MAN1B1: variants seen among roughly 807,000 people sequenced by gnomAD.
MAN1B1 encodes mannosidase alpha class 1B member 1.
Under a neutral mutation model 75.5 loss-of-function variants are expected in MAN1B1, and 66 were observed. That is an observed-to-expected ratio of 0.87 (90% CI 0.72 to 1.07). MAN1B1 has a LOEUF of 1.07. Ranked by LOEUF, MAN1B1 falls within the 50% of genes least tolerant of loss-of-function variation. The pLI is 0.00. For synonymous variants in MAN1B1, 453 were observed against 382.8 expected, an observed-to-expected ratio of 1.18 and a Z score of -2.14; for missense variants, 973 against 912.5, an observed-to-expected ratio of 1.07 and a Z score of -0.85.
In MAN1B1 at chr9:137,108,787, G is replaced by C. The variant is rs762908285; in HGVS notation, c.*196G>C. 1.0e-5 allele frequency: 7 copies of C among 700,444 alleles called. No individual in the cohort carries two copies. Among genetic ancestry groups the C allele is most frequent in the African/African-American group, 1.7e-5 (1 of 57,154 alleles). The allele number at this position is 700,444 out of a possible 1,614,324, so 43.4% of individuals were successfully genotyped here. A position where few individuals can be genotyped will look rare whatever the true frequency, so the allele number is the denominator to read the frequency against. ...GAGGCCGTCAGTCTTGGTGTGATGC[G>C]GGGTGGGCTGGGCCGCTGGAGCCTC... On this transcript the variant is annotated 3_prime_UTR_variant, in exon 13 of 13. Transcript: ENST00000371589.
At chr9:137,100,764 C>A (rs1830786959) in intron 6 of MAN1B1, among the ~76,000 whole-genome samples, 1 of 152,144 alleles carries the variant, frequency 6.6e-6, no homozygotes, top group Non-Finnish European at 1.5e-5. Context: ...GGACCACAGG[C>A]ATGCGCCACC....
chr9:137,105,806 G>A (rs898556294), intron 8 of MAN1B1: 12 of 528,522 alleles, frequency 2.3e-5, no homozygotes, highest in Non-Finnish European at 4.0e-5. Context: ...GGGCTCTCGT[G>A]AGGACAGTGC....
At position 137,106,129 on chromosome 9, in the gene MAN1B1, C is replaced by T. The variant is rs944230165; in HGVS notation, c.1259C>T (p.Ala420Val). The T allele has an allele frequency of 6.2e-7, 1 of 1,612,592 alleles. No individual in the cohort carries two copies. Among genetic ancestry groups the T allele is most frequent in the Admixed American group, 1.7e-5 (1 of 60,004 alleles). The change falls in exon 9 of 13, where the codon GCA becomes GTA. Residue 420 changes from alanine to valine, a missense_variant. Coordinates refer to ENST00000371589, the MANE Select transcript of MAN1B1 (RefSeq NM_016219.5). ...RLTGDKKFQE[A>V]VEKVTQHIHG... Reference sequence around the variant, plus strand: ...CCATCCCCCTTTCTGCCGCAGGAGGCAGTGGAGAAGGTGACACAGCACATC... The same window carrying T: ...CCATCCCCCTTTCTGCCGCAGGAGGTAGTGGAGAAGGTGACACAGCACATC...
At chr9:137,088,748 C>A in intron 2 of MAN1B1, 121 bp from the exon 3 acceptor site, 1 of 1,059,452 alleles carries the variant, frequency 9.4e-7, no homozygotes. Context: ...ATTTCAGTGA[C>A]TATCAGGTAT....
intron 3 of MAN1B1, among the ~76,000 whole-genome samples, chr9:137,091,559 C>T (rs1414288567): frequency 3.9e-5 from 5 of 129,150 alleles, no homozygotes; most frequent in African/African-American, 1.1e-4. Context: ...CAGAGTCTTC[C>T]TCTGTTTCCC....
chr9:137,107,801 G>A, intron 12 of MAN1B1, 139 bp downstream of exon 12: 1 of 1,239,916 alleles, frequency 8.1e-7, no homozygotes, highest in Non-Finnish European at 1.2e-6. Context: ...CAGCCTCGGG[G>A]TGGCCACACT....
chr9:137,089,195 C>A, intron 3 of MAN1B1, 190 bp downstream of exon 3: 1 of 704,248 alleles, frequency 1.4e-6, no homozygotes, highest in East Asian at 2.8e-5. Context: ...TTTTTGAAGA[C>A]CAGCCATGGC....
At position 137,087,126 on chromosome 9, in the gene MAN1B1, C is replaced by T; in HGVS notation, c.127C>T (p.Pro43Ser). 6.3e-7 allele frequency: 1 copy of T among 1,592,664 alleles called. No homozygotes were observed. Among genetic ancestry groups the T allele is most frequent in the Non-Finnish European group, 8.5e-7 (1 of 1,171,078 alleles). ...TTVVMYPPPP[P>S]PPHRDFISVT... is the part of the protein sequence containing the mutation. ...TGTAGTCATGTACCCACCGCCGCCG[C>T]CGCCGCCTCATCGGGACTTCATCTC... Residue 43 changes from proline (P) to serine (S), a missense_variant, in exon 1 of 13, where the codon CCG (proline) becomes TCG (serine). Pro to Ser is a moderately conservative substitution (Grantham distance 74, BLOSUM62 -1). Transcript: ENST00000371589.
In MAN1B1 at chr9:137,109,079, C is replaced by G; in HGVS notation, c.*488C>G. On this transcript the variant is annotated 3_prime_UTR_variant, in exon 13 of 13. Coordinates refer to ENST00000371589, the MANE Select transcript of MAN1B1 (RefSeq NM_016219.5). ...AGCTGGACTCAGGGATCCTCCTGGCCGCCCCGCAGGGGGCTTGGAGGGCTG... is the reference window on the plus strand; with the variant it reads ...AGCTGGACTCAGGGATCCTCCTGGCGGCCCCGCAGGGGGCTTGGAGGGCTG... The G allele has an allele frequency of 2.2e-6, 1 of 455,982 alleles. No homozygotes were observed. 28.2% of individuals were successfully genotyped at this position (455,982 alleles called of 1,614,324 possible).
chr9:137,104,062 C>T (rs111482566), intron 8 of MAN1B1: 25 of 427,978 alleles, frequency 5.8e-5, no homozygotes, highest in African/African-American at 2.3e-4. Flanking sequence ...TGCTGTTGTG[C>T]AGCTATCACT....
intron 8 of MAN1B1, 30 bp downstream of exon 8, chr9:137,101,702 G>T (rs773639735): frequency 2.5e-6 from 4 of 1,598,786 alleles, no homozygotes; most frequent in Non-Finnish European, 3.4e-6. Flanking sequence ...GGCTGGATGC[G>T]CCTCCCCTGG....
At chr9:137,108,266 C>T in intron 12 of MAN1B1, 122 bp from the exon 13 acceptor site, 1 of 890,310 alleles carries the variant, frequency 1.1e-6, no homozygotes, top group African/African-American at 1.6e-5. Flanking sequence ...ATCCAGGCGC[C>T]CTCCACCCTG....
At chr9:137,107,883 G>A (rs1158913414) in intron 12 of MAN1B1, 2 of 668,554 alleles carry the variant, frequency 3.0e-6, no homozygotes, top group Non-Finnish European at 5.4e-6. Flanking sequence ...ACTTGGAGGG[G>A]CTGGGCACCC....
rs1340473058 is a variant in MAN1B1, at chr9:137,096,239, G to T, written c.468G>T (p.Lys156Asn). Residue 156 changes from lysine (K) to asparagine (N), a missense_variant and splice_region_variant, in exon 4 of 13, where the codon AAG becomes AAT. Physicochemically the swap from Lys to Asn is moderately conservative, Grantham distance 94. Coordinates refer to ENST00000371589, the MANE Select transcript of MAN1B1 (RefSeq NM_016219.5). ...CTGTGTGACCAATTTCTCTACAGAA[G>T]ACACAAAGACACATCCAGCGGGGAC... ...PENLPEISSQ[K>N]TQRHIQRGPP... 5.6e-6 allele frequency: 9 copies of T among 1,614,028 alleles called. No homozygotes were observed. The highest frequency in any genetic ancestry group is 6.8e-6 in the Non-Finnish European group (8 of 1,180,042).
At chr9:137,090,635 G>A (rs958435337) in intron 3 of MAN1B1, among the ~76,000 whole-genome samples, 2 of 152,050 alleles carry the variant, frequency 1.3e-5, no homozygotes, top group Non-Finnish European at 2.9e-5. Context: ...CGCCTCCCGG[G>A]TTCAAGTGAT....
intron 5 of MAN1B1, among the ~76,000 whole-genome samples, chr9:137,099,084 C>T (rs7047669): frequency 0.44 from 67,041 of 151,968 alleles, 15,345 homozygotes; most frequent in East Asian, 0.67. Flanking sequence ...CCCACCTCGG[C>T]CTCCCAGAGT....
intron 3 of MAN1B1, among the ~76,000 whole-genome samples, chr9:137,092,761 G>T (rs1452495508): frequency 6.6e-6 from 1 of 152,136 alleles, no homozygotes; most frequent in Non-Finnish European, 1.5e-5. Context: ...TCTCGTGTCG[G>T]CAATGTTTCC....
chr9:137,093,639 G>A (rs1218007403), intron 3 of MAN1B1, among the ~76,000 whole-genome samples: 3 of 151,948 alleles, frequency 2.0e-5, no homozygotes, highest in African/African-American at 2.4e-5. Context: ...GACCATCCTG[G>A]CTAACACAGT....
chr9:137,108,260 A>T, intron 12 of MAN1B1, 128 bp from the exon 13 acceptor site: 1 of 821,384 alleles, frequency 1.2e-6, no homozygotes, highest in Non-Finnish European at 2.0e-6. Context: ...GCCATCATCC[A>T]GGCGCCCTCC....
Sources: allele counts gnomAD v4.1 joint callset (sites outside exome capture counted in the v4.1 genomes callset), GRCh38; gene constraint gnomAD v4.1.1; transcripts MANE v1.5; gene names NCBI Gene and HGNC (gene_info 2026-07-23, HGNC 2026-07-21).